Variants in MTG1 observed in about 807,000 individuals in gnomAD.
The protein encoded by MTG1 is mitochondrial ribosome associated GTPase 1, also known as mitochondrial ribosome-associated GTPase 1.
A neutral mutation model predicts 39.5 loss-of-function variants in MTG1; 30 were observed. The observed-to-expected ratio is 0.76, with a 90% CI of 0.57 to 1.03. MTG1 has a LOEUF of 1.03. Among genes scored for constraint, MTG1 ranks in the 50% least tolerant of loss-of-function variants. The pLI is 0.00. For missense variants in MTG1, 513 were observed against 447.4 expected (o/e 1.15, Z -1.32); for synonymous variants, 217 against 179.0 (o/e 1.21, Z -1.69).
rs764996634 is a variant in MTG1, at chr10:133,421,465, GACC to G, written c.*1304_*1306del. 15 of 152,842 alleles carry G rather than the reference GACC, an allele frequency of 9.8e-5. No homozygotes were observed. Among genetic ancestry groups the G allele is most frequent in the Non-Finnish European group, 1.9e-4 (13 of 68,158 alleles). The allele number at this position is 152,842 out of a possible 1,614,324, so 9.5% of individuals were successfully genotyped here. On this transcript the variant is annotated 3_prime_UTR_variant, in exon 11 of 11. Transcript: ENST00000317502. ...GGTCTCTCTGCTGTGAGGAGACTCA[GACC>G]ACCCCCTGCCTCCTGGGGGAAATGT...
At position 133,402,675 on chromosome 10, in the gene MTG1, G is replaced by A. The variant is rs1188840057; in HGVS notation, c.671-17G>A. 7.5e-6 allele frequency: 12 copies of A among 1,592,506 alleles called. No homozygotes were observed. Among genetic ancestry groups the A allele is most frequent in the South Asian group, 5.7e-5 (5 of 87,522 alleles). On this transcript the variant is annotated splice_polypyrimidine_tract_variant and intron_variant, in intron 8 of 10. Coordinates refer to ENST00000317502, the MANE Select transcript of MTG1 (RefSeq NM_138384.4). The surrounding 1 kb of genome is among the most constrained non-coding windows in gnomAD (Gnocchi z 4.7). Reference sequence around the variant, plus strand: ...TGTGGCTGTTTCCAGTGCTCACCTCGGCTGCTGCTTCCACAGGAACGGTGC... The same window carrying A: ...TGTGGCTGTTTCCAGTGCTCACCTCAGCTGCTGCTTCCACAGGAACGGTGC...
At chr10:133,406,388 C>T (rs909506756) in intron 9 of MTG1, among the ~76,000 whole-genome samples, 4 of 152,068 alleles carry the variant, frequency 2.6e-5, no homozygotes, top group Non-Finnish European at 4.4e-5. Flanking sequence ...AACTCTTGGG[C>T]TCAAGAGATC....
chr10:133,410,966 A>G (rs1564822023), intron 9 of MTG1, among the ~76,000 whole-genome samples: 1 of 151,598 alleles, frequency 6.6e-6, no homozygotes, highest in Non-Finnish European at 1.5e-5. Context: ...TTTTTGATAC[A>G]TTTTTCTTTT....
chr10:133,397,992 C>T (rs980698602), intron 3 of MTG1, among the ~76,000 whole-genome samples: 1 of 152,092 alleles, frequency 6.6e-6, no homozygotes, highest in Non-Finnish European at 1.5e-5. Context: ...GGTGGCCCTG[C>T]CTTCTGCCTC....
In MTG1 at chr10:133,420,380, C is replaced by G. The variant is rs1334380862; in HGVS notation, c.*215C>G. 2 of 493,908 alleles carry G rather than the reference C, an allele frequency of 4.0e-6. No individual in the cohort carries two copies. The highest frequency in any genetic ancestry group is 7.0e-6 in the Non-Finnish European group (2 of 286,728). The allele number at this position is 493,908 out of a possible 1,614,324, so 30.6% of individuals were successfully genotyped here. A position where few individuals can be genotyped will look rare whatever the true frequency, so the allele number is the denominator to read the frequency against. ...ACACCAGGCTTCCCAGTGGACGTCC[C>G]TGAGCAGCTCCGCATGCTTGGTTCT... On this transcript the variant is annotated 3_prime_UTR_variant, in exon 11 of 11. Coordinates refer to ENST00000317502, the MANE Select transcript of MTG1 (RefSeq NM_138384.4).
intron 4 of MTG1, 37 bp from the exon 5 acceptor site, chr10:133,399,133 G>T (rs375641104): frequency 6.2e-7 from 1 of 1,613,878 alleles, no homozygotes; most frequent in Non-Finnish European, 8.5e-7. Flanking sequence ...ACAGACGTCC[G>T]ACCTGGGGTG....
At chr10:133,397,778 T>G (rs1849808044) in intron 3 of MTG1, among the ~76,000 whole-genome samples, 1 of 135,190 alleles carries the variant, frequency 7.4e-6, no homozygotes, top group Admixed American at 7.9e-5. Context: ...GCGTCCAGCC[T>G]GTTTTTTTTT....
At chr10:133,412,256 T>G (rs1850057960) in intron 9 of MTG1, among the ~76,000 whole-genome samples, 2 of 152,224 alleles carry the variant, frequency 1.3e-5, no homozygotes, top group African/African-American at 4.8e-5. Context: ...CTTCTCTATT[T>G]GGTGATGTCA....
intron 1 of MTG1, among the ~76,000 whole-genome samples, chr10:133,395,485 C>G (rs1040019256): frequency 1.3e-5 from 2 of 152,246 alleles, no homozygotes; most frequent in African/African-American, 4.8e-5. Flanking sequence ...GCTTTTGACA[C>G]ATGGCCCACC....
At chr10:133,394,880 C>A in intron 1 of MTG1, 2 of 348,654 alleles carry the variant, frequency 5.7e-6, no homozygotes, top group Non-Finnish European at 8.1e-6. Context: ...GCCACTCCTG[C>A]GTCGGCTCCG....
intron 9 of MTG1, among the ~76,000 whole-genome samples, chr10:133,411,980 G>A (rs1035979933): frequency 9.2e-5 from 14 of 151,874 alleles, no homozygotes; most frequent in African/African-American, 3.4e-4. Flanking sequence ...AGAAGGTCGC[G>A]GTTTTCCGTT....
In MTG1 at chr10:133,394,374, C is replaced by T. The variant is rs368531511; in HGVS notation, c.112+42C>T. On this transcript the variant is annotated intron_variant, in intron 1 of 10. Coordinates refer to ENST00000317502, the MANE Select transcript of MTG1 (RefSeq NM_138384.4). Reference sequence around the variant, plus strand: ...AGGGGCAAGGTCATGCCTACGGCCGCGGCGCCTCTGCTTCCCTCCCACCCC... The same window carrying T: ...AGGGGCAAGGTCATGCCTACGGCCGTGGCGCCTCTGCTTCCCTCCCACCCC... 157 of 1,419,734 alleles carry T rather than the reference C, an allele frequency of 1.1e-4. No individual in the cohort carries two copies. The African/African-American group carries it at 2.2e-3, about 20-fold the overall frequency. 87.9% of individuals were successfully genotyped at this position (1,419,734 alleles called of 1,614,324 possible). A position where few individuals can be genotyped will look rare whatever the true frequency, so the allele number is the denominator to read the frequency against.
At chr10:133,409,850 T>A (rs765897279) in intron 9 of MTG1, among the ~76,000 whole-genome samples, 6 of 152,144 alleles carry the variant, frequency 3.9e-5, no homozygotes, top group Non-Finnish European at 8.8e-5. Context: ...CTTTATACAG[T>A]CTTTGACTTT....
chr10:133,397,495 T>C (rs908671906), intron 3 of MTG1, among the ~76,000 whole-genome samples: 1 of 151,124 alleles, frequency 6.6e-6, no homozygotes, highest in African/African-American at 2.5e-5. Context: ...TTTTTTTTTT[T>C]TGAGGCAGAG....
intron 5 of MTG1, 97 bp downstream of exon 5, chr10:133,399,323 A>C: frequency 7.1e-7 from 1 of 1,418,060 alleles, no homozygotes; most frequent in African/African-American, 1.4e-5. Context: ...GCAGCGCCCC[A>C]GGCAGGGAGG....
At chr10:133,403,041 C>T (rs2133499424) in intron 9 of MTG1, among the ~76,000 whole-genome samples, 2 of 147,876 alleles carry the variant, frequency 1.4e-5, no homozygotes, top group African/African-American at 5.0e-5. Context: ...CCCGTCACCC[C>T]CCATCCCTGC....
intron 9 of MTG1, among the ~76,000 whole-genome samples, chr10:133,416,020 T>TCGGGCAGGCGGGCGTCGGGCACGC (rs1564823387): frequency 1.1e-5 from 1 of 94,652 alleles, no homozygotes; most frequent in African/African-American, 3.9e-5. Context: ...GTCGGGCACG[T>TCGGGCAGGCGGGCGTCGGGCACGC]GGGTGTCGGG....
At chr10:133,407,672 G>A (rs982428332) in intron 9 of MTG1, among the ~76,000 whole-genome samples, 2 of 151,774 alleles carry the variant, frequency 1.3e-5, no homozygotes, top group African/African-American at 4.8e-5. Context: ...GGGTTCAAGC[G>A]ATTCTCCTGC....
intron 9 of MTG1, among the ~76,000 whole-genome samples, chr10:133,404,825 A>G (rs1049332355): frequency 2.0e-5 from 3 of 152,058 alleles, no homozygotes; most frequent in Admixed American, 1.3e-4. Context: ...TTGTCTTTGC[A>G]TCTTTGTCGC....
Sources: allele counts gnomAD v4.1 joint callset (sites outside exome capture counted in the v4.1 genomes callset), GRCh38; gene constraint gnomAD v4.1.1; non-coding constraint Gnocchi (gnomAD v3.1); transcripts MANE v1.5; gene names NCBI Gene and HGNC (gene_info 2026-07-23, HGNC 2026-07-21).